Variants in SERPINB4 observed in about 807,000 individuals in gnomAD.
SERPINB4 encodes the protein serpin family B member 4.
SERPINB4 carries 39 observed loss-of-function variants against 33.2 expected under a neutral mutation model. That is an observed-to-expected ratio of 1.18 (90% CI 0.91 to 1.53). The LOEUF (loss-of-function observed/expected upper bound fraction) is 1.53. Ranked by LOEUF, SERPINB4 falls within the 40% of genes most tolerant of loss-of-function variation. The pLI is 0.00. For missense variants in SERPINB4, 564 were observed against 455.4 expected, an observed-to-expected ratio of 1.24 and a Z score of -2.17; for synonymous variants, 191 against 166.4, an observed-to-expected ratio of 1.15 and a Z score of -1.14.
At chr18:63,638,360 G>C (rs531580737) in intron 7 of SERPINB4, among the ~76,000 whole-genome samples, 1 of 151,760 alleles carries the variant, frequency 6.6e-6, no homozygotes, top group Admixed American at 6.6e-5. Context: ...ATGTTTTTAC[G>C]TATATGTATA....
At chr18:63,642,898 G>A (rs764640026) in intron 3 of SERPINB4, 40 of 469,970 alleles carry the variant, frequency 8.5e-5, no homozygotes, top group Non-Finnish European at 1.4e-4. Flanking sequence ...TTCATCATTT[G>A]TGAAGAGCAA....
At chr18:63,641,952 A>G in intron 3 of SERPINB4, 64 bp from the exon 4 acceptor site, 1 of 1,602,900 alleles carries the variant, frequency 6.2e-7, no homozygotes, top group Non-Finnish European at 8.5e-7. Context: ...AACCCATGCT[A>G]AGTCTGTTAG....
intron 7 of SERPINB4, among the ~76,000 whole-genome samples, chr18:63,638,707 A>G (rs1291232211): frequency 4.0e-5 from 6 of 150,824 alleles, no homozygotes; most frequent in Non-Finnish European, 7.4e-5. Context: ...ACTCTAATAA[A>G]TTAATCATTA....
chr18:63,639,525 C>T, intron 6 of SERPINB4, 109 bp downstream of exon 6: 1 of 1,011,854 alleles, frequency 9.9e-7, no homozygotes, highest in Non-Finnish European at 1.4e-6. Context: ...AACAAAATAA[C>T]AGACATGAAC....
In SERPINB4 at chr18:63,637,756, T is replaced by C; in HGVS notation, c.1136A>G (p.Asn379Ser). Residue 379 changes from asparagine to serine, a missense_variant, in exon 8 of 8, where the codon AAC becomes AGC. Physicochemically the swap from Asn to Ser is conservative, Grantham distance 46. Coordinates refer to ENST00000341074, the MANE Select transcript of SERPINB4 (RefSeq NM_002974.4). ...GAATCTGCCATAGAAGAGGATGCTG[T>C]TGGTCTTATTTTGCCTTATGAAGAA... is the stretch of plus-strand genomic sequence containing the variant. ...FLFFIRQNKT[N>S]SILFYGRFSS... 1.2e-6 allele frequency: 2 copies of C among 1,612,700 alleles called. No homozygotes were observed. Among genetic ancestry groups the C allele is most frequent in the African/African-American group, 1.3e-5 (1 of 74,940 alleles).
chr18:63,643,663 T>G (rs1443284260), intron 1 of SERPINB4, 60 bp from the exon 2 acceptor site: 87 of 1,507,848 alleles, frequency 5.8e-5, no homozygotes, highest in Non-Finnish European at 7.6e-5. Context: ...TATTTTGTAG[T>G]ACAATTTTCT....
chr18:63,637,980 C>A lies in SERPINB4; in HGVS notation c.912G>T (p.Met304Ile). ...DLKDTLRTMG[M>I]VNIFNGDADL... is the part of the protein sequence containing the mutation. ...CTGCATCCCCATTGAAGATATTCAC[C>A]ATTCCCATGGTTCTCAACGTGTCCT... Residue 304 changes from methionine (M) to isoleucine (I), a missense_variant, in exon 8 of 8, where the codon ATG becomes ATT. Physicochemically the swap from Met to Ile is conservative, Grantham distance 10. Transcript: ENST00000341074. 3.1e-6 allele frequency: 5 copies of A among 1,613,646 alleles called. No individual in the cohort carries two copies. The highest frequency in any genetic ancestry group is 4.2e-6 in the Non-Finnish European group (5 of 1,179,768).
chr18:63,642,933 C>G (rs562758523), intron 3 of SERPINB4: 1 of 564,876 alleles, frequency 1.8e-6, no homozygotes, highest in Non-Finnish European at 3.1e-6. Context: ...CCCAGCCTAT[C>G]CTGATCCAGA....
Position 63,638,052 on chromosome 18 carries a change from G to A in SERPINB4, c.840C>T (p.Val280=), listed in dbSNP as rs755293512. Residue 280 remains valine (V), a synonymous_variant, in exon 8 of 8, where the codon GTC becomes GTT. Coordinates refer to ENST00000341074, the MANE Select transcript of SERPINB4 (RefSeq NM_002974.4). ...TSLQNMRETC[V]DLHLPRFKME... is the part of the protein sequence containing the mutation. Reference sequence around the variant, plus strand: ...TTTTGAACCGAGGTAAGTGTAAATCGACACATGTCTCTCTCATATTCTGCA... The same window carrying A: ...TTTTGAACCGAGGTAAGTGTAAATCAACACATGTCTCTCTCATATTCTGCA... The A allele has an allele frequency of 1.1e-5, 18 of 1,613,348 alleles. 1 individual carries two copies. The highest frequency in any genetic ancestry group is 4.0e-5 in the African/African-American group (3 of 74,854).
Position 63,641,099 on chromosome 18 carries a change from G to C in SERPINB4, c.352-108C>G, listed in dbSNP as rs1913115212. 5.8e-6 allele frequency: 5 copies of C among 857,090 alleles called. No individual in the cohort carries two copies. The South Asian group carries it at 7.9e-5, about 14-fold the overall frequency. The allele number at this position is 857,090 out of a possible 1,614,324, so 53.1% of individuals were successfully genotyped here. On this transcript the variant is annotated intron_variant, in intron 4 of 7. Transcript: ENST00000341074. ...GTAAGCTGAATCCAGACCCTGAATA[G>C]ATGCAGTATCTCCTGTCCATGGATA...
In SERPINB4 at chr18:63,638,139, A is replaced by G. The variant is rs369770127; in HGVS notation, c.769-16T>C. ...TCTCTTCAAGCTATACAAATGGAAA[A>G]AAGAAACTGATATGACTAACTGTCG... is the stretch of plus-strand genomic sequence containing the variant. On this transcript the variant is annotated splice_polypyrimidine_tract_variant and intron_variant, in intron 7 of 7. Coordinates refer to ENST00000341074, the MANE Select transcript of SERPINB4 (RefSeq NM_002974.4). 1.9e-6 allele frequency: 3 copies of G among 1,606,672 alleles called. No homozygotes were observed. In the African/African-American group the frequency reaches 4.0e-5, roughly 22 times the overall value.
intron 5 of SERPINB4, among the ~76,000 whole-genome samples, chr18:63,640,329 A>G (rs1598926842): frequency 6.6e-6 from 1 of 151,938 alleles, no homozygotes; most frequent in Non-Finnish European, 1.5e-5. Flanking sequence ...GTGGGAGGTA[A>G]GAAAGATGTC....
chr18:63,639,062 C>T (rs2144464940), intron 7 of SERPINB4, 123 bp downstream of exon 7: 3 of 1,161,150 alleles, frequency 2.6e-6, no homozygotes, highest in East Asian at 4.9e-5. Flanking sequence ...AGTCATCATT[C>T]CTCATTTAGA....
At position 63,641,908 on chromosome 18, in the gene SERPINB4, A is replaced by G; in HGVS notation, c.223-20T>C. 6.2e-7 allele frequency: 1 copy of G among 1,611,536 alleles called. No individual in the cohort carries two copies. The highest frequency in any genetic ancestry group is 8.5e-7 in the Non-Finnish European group (1 of 1,178,170). ...ATCAACCTTCAAACATCAAAAAGGG[A>G]GATCATTCAATTGCTGTATCAATGT... On this transcript the variant is annotated intron_variant, in intron 3 of 7. Transcript: ENST00000341074.
intron 7 of SERPINB4, 82 bp from the exon 8 acceptor site, chr18:63,638,205 T>C: frequency 2.7e-6 from 4 of 1,478,024 alleles, no homozygotes; most frequent in African/African-American, 1.4e-5. Context: ...TATGTGGAGA[T>C]TCGTTATTTT....
chr18:63,643,167 T>C lies in SERPINB4; in HGVS notation c.216A>G (p.Thr72=), dbSNP rs150576004. The change falls in exon 3 of 8, where the codon ACA becomes ACG. Residue 72 remains threonine, a synonymous_variant. Coordinates refer to ENST00000341074, the MANE Select transcript of SERPINB4 (RefSeq NM_002974.4). ...ATAGTGCTCTGTGACTCACATGATA[T>C]GTTGCAGCTTTTTCTGTGGTGTTCT... ...VTENTTEKAA[T]YHVDRSGNVH... The C allele has an allele frequency of 2.5e-5, 40 of 1,613,240 alleles. No homozygotes were observed. Among genetic ancestry groups the C allele is most frequent in the African/African-American group, 6.7e-5 (5 of 74,858 alleles).
chr18:63,638,575 A>T (rs991523882), intron 7 of SERPINB4, among the ~76,000 whole-genome samples: 7 of 151,846 alleles, frequency 4.6e-5, no homozygotes, highest in Admixed American at 4.6e-4. Context: ...TAAATTCCTA[A>T]ATTTGTATTC....
chr18:63,641,876 C>G lies in SERPINB4; in HGVS notation c.235G>C (p.Gly79Arg). ...KAATYHVDRS[G>R]NVHHQFQKLL... Reference sequence around the variant, plus strand: ...TTTTGAAACTGGTGATGAACATTTCCTGACCTATCAACCTTCAAACATCAA... The same window carrying G: ...TTTTGAAACTGGTGATGAACATTTCGTGACCTATCAACCTTCAAACATCAA... The change falls in exon 4 of 8, where the codon GGA (glycine) becomes CGA (arginine). Residue 79 changes from glycine (G) to arginine (R), a missense_variant. Physicochemically the swap from Gly to Arg is moderately radical, Grantham distance 125. Transcript: ENST00000341074. 6.2e-7 allele frequency: 1 copy of G among 1,613,208 alleles called. No homozygotes were observed. Among genetic ancestry groups the G allele is most frequent in the Non-Finnish European group, 8.5e-7 (1 of 1,179,430 alleles).
chr18:63,642,762 CTT>C, intron 3 of SERPINB4: 2 of 162,312 alleles, frequency 1.2e-5, no homozygotes, highest in South Asian at 3.7e-4. Flanking sequence ...TTTATTATGA[CTT>C]TTATGGGCAA....
Sources: gnomAD v4.1 joint callset for allele counts (sites outside exome capture counted in the v4.1 genomes callset) on GRCh38, gnomAD v4.1.1 for gene constraint, MANE v1.5 for transcripts, NCBI Gene and HGNC (gene_info 2026-07-23, HGNC 2026-07-21) for gene names.